Variants in GLG1 observed in about 807,000 individuals in gnomAD.
GLG1 encodes golgi glycoprotein 1.
A neutral mutation model predicts 160.5 loss-of-function variants in GLG1; 38 were observed. The ratio of observed to expected loss-of-function variants is 0.24; its 90% CI spans 0.18 to 0.31. The LOEUF is 0.31. Ranked by LOEUF, GLG1 falls within the 10% of genes least tolerant of loss-of-function variation. GLG1 has a pLI of 1.00. For missense variants in GLG1, 1,373 were observed against 1,505.2 expected, an observed-to-expected ratio of 0.91 and a Z score of 1.45; for synonymous variants, 644 against 543.4, an observed-to-expected ratio of 1.19 and a Z score of -2.57.
At chr16:74,591,186 C>T (rs1010318700) in intron 1 of GLG1, among the ~76,000 whole-genome samples, 2 of 151,722 alleles carry the variant, frequency 1.3e-5, no homozygotes, top group Non-Finnish European at 2.9e-5. Flanking sequence ...CAAAAATTAG[C>T]TGGGTGTCTT....
intron 1 of GLG1, among the ~76,000 whole-genome samples, chr16:74,586,729 G>A (rs910882570): frequency 2.0e-5 from 3 of 150,160 alleles, no homozygotes; most frequent in African/African-American, 2.5e-5. Context: ...ATGTAGTCTC[G>A]CTATTGTTGC....
intron 1 of GLG1, among the ~76,000 whole-genome samples, chr16:74,555,084 A>G (rs551490531): frequency 6.6e-6 from 1 of 152,320 alleles, no homozygotes; most frequent in South Asian, 2.1e-4. Context: ...AAACGGGAAA[A>G]AAGAAAAAAC....
chr16:74,550,545 G>A (rs1338261928), intron 1 of GLG1, among the ~76,000 whole-genome samples: 1 of 152,026 alleles, frequency 6.6e-6, no homozygotes, highest in Admixed American at 6.6e-5. Context: ...GTGCTATTTT[G>A]GGCCATGAAA....
chr16:74,527,749 T>C (rs1235896031), intron 2 of GLG1, among the ~76,000 whole-genome samples: 2 of 152,030 alleles, frequency 1.3e-5, no homozygotes, highest in Non-Finnish European at 1.5e-5. Flanking sequence ...TTTTTTGAGA[T>C]AGAGTCTTGC....
At chr16:74,504,610 G>A (rs929730378) in intron 3 of GLG1, among the ~76,000 whole-genome samples, 1 of 152,168 alleles carries the variant, frequency 6.6e-6, no homozygotes, top group Non-Finnish European at 1.5e-5. Context: ...TGACATTAAT[G>A]TGTTCTAAAT....
At chr16:74,560,983 A>T (rs1392852876) in intron 1 of GLG1, among the ~76,000 whole-genome samples, 1 of 152,282 alleles carries the variant, frequency 6.6e-6, no homozygotes, top group Non-Finnish European at 1.5e-5. Context: ...GGTTATTTCA[A>T]ATTGAATGAA....
rs1237467893 is a variant in GLG1, at chr16:74,459,714, G to A, written c.3112C>T (p.Leu1038=). 4.4e-6 allele frequency: 7 copies of A among 1,599,390 alleles called. No homozygotes were observed. The Admixed American group carries it at 1.2e-4, about 27-fold the overall frequency. Reference sequence around the variant, plus strand: ...CACAATTCTGTTTTGATCTTGAGCAGGTTGACCTTGAGGCACTCCTCCACC... The same window carrying A: ...CACAATTCTGTTTTGATCTTGAGCAAGTTGACCTTGAGGCACTCCTCCACC... ...GQVEECLKVN[L]LKIKTELCKK... is the part of the protein sequence containing the mutation. Residue 1038 remains leucine, a synonymous_variant, in exon 23 of 26, where the codon CTG becomes TTG. Transcript: ENST00000422840.
rs1280144198 is a variant in GLG1 at position 74,448,190 on chromosome 16, G to A, written c.*4977C>T. ...GCTAATGACTTATCTATTATCTGAA[G>A]TCTGTGGAGGAAGGACCAAGAAGGG... On this transcript the variant is annotated 3_prime_UTR_variant, in exon 26 of 26. Coordinates refer to ENST00000422840, the MANE Select transcript of GLG1 (RefSeq NM_001145667.2). 1.3e-5 allele frequency: 2 copies of A among 152,258 alleles called. No homozygotes were observed. The highest frequency in any genetic ancestry group is 2.4e-5 in the African/African-American group (1 of 41,448). The allele number at this position is 152,258 out of a possible 1,614,324, so 9.4% of individuals were successfully genotyped here. A position where few individuals can be genotyped will look rare whatever the true frequency, so the allele number is the denominator to read the frequency against.
At chr16:74,584,078 A>G (rs1011907767) in intron 1 of GLG1, among the ~76,000 whole-genome samples, 5 of 151,990 alleles carry the variant, frequency 3.3e-5, no homozygotes, top group Admixed American at 6.6e-5. Flanking sequence ...AGCGCCTTCA[A>G]TTTTCCTCAC....
At chr16:74,523,974 A>G (rs1017844872) in intron 2 of GLG1, among the ~76,000 whole-genome samples, 4 of 152,114 alleles carry the variant, frequency 2.6e-5, no homozygotes, top group Non-Finnish European at 5.9e-5. Flanking sequence ...GCACTTTGGG[A>G]GGCTGAGGTG....
intron 1 of GLG1, among the ~76,000 whole-genome samples, chr16:74,591,950 T>C (rs1312908643): frequency 6.6e-6 from 1 of 152,122 alleles, no homozygotes; most frequent in East Asian, 1.9e-4. Flanking sequence ...CAGAACATAA[T>C]TCCTTTACCC....
intron 1 of GLG1, among the ~76,000 whole-genome samples, chr16:74,544,041 G>A (rs926489140): frequency 1.2e-4 from 18 of 152,132 alleles, no homozygotes; most frequent in African/African-American, 4.1e-4. Flanking sequence ...AAAGGAGATG[G>A]GCAGAACAGA....
rs5817916 is a variant in GLG1, at chr16:74,570,518, AT to A, written c.438+36138del. On this transcript the variant is annotated intron_variant, in intron 1 of 25. Transcript: ENST00000422840. ...AACCTAAAATTCTATACTGTGATGG[AT>A]TTTTTCAAGGCCACAAATCCCACCT... 1.4e-4 allele frequency among the ~76,000 whole-genome samples: 22 copies of A among 152,078 alleles called. 1 individual carries two copies. In the East Asian group the frequency reaches 3.3e-3, roughly 23 times the overall value.
intron 19 of GLG1, among the ~76,000 whole-genome samples, chr16:74,465,364 C>T (rs542856272): frequency 6.6e-6 from 1 of 152,306 alleles, no homozygotes; most frequent in East Asian, 1.9e-4. Flanking sequence ...TTATTTATTG[C>T]ACATCCATTT....
At chr16:74,468,438 G>A (rs1166281745) in intron 17 of GLG1, 1 of 155,464 alleles carries the variant, frequency 6.4e-6, no homozygotes, top group African/African-American at 2.4e-5. Flanking sequence ...GTGTCGCCAT[G>A]TTGGCCAGGC....
chr16:74,602,576 G>C (rs538823149), intron 1 of GLG1, among the ~76,000 whole-genome samples: 6 of 152,274 alleles, frequency 3.9e-5, no homozygotes, highest in African/African-American at 1.4e-4. Context: ...GAGGTCAGGA[G>C]TTCGAGACTA....
At chr16:74,593,839 C>A (rs952416966) in intron 1 of GLG1, among the ~76,000 whole-genome samples, 21 of 152,148 alleles carry the variant, frequency 1.4e-4, no homozygotes, top group African/African-American at 4.8e-4. Context: ...GTTAATTTTA[C>A]TCATCTACCA....
At chr16:74,469,161 TG>T (rs1469595392) in intron 16 of GLG1, 98 bp from the exon 17 acceptor site, 1 of 776,822 alleles carries the variant, frequency 1.3e-6, no homozygotes, top group East Asian at 2.5e-5. Flanking sequence ...GAATTCAAGA[TG>T]CCCTTTGGGG....
At position 74,467,593 on chromosome 16, in the gene GLG1, G is replaced by A. The variant is rs376726013; in HGVS notation, c.2529+163C>T. On this transcript the variant is annotated intron_variant, in intron 18 of 25. Coordinates refer to ENST00000422840, the MANE Select transcript of GLG1 (RefSeq NM_001145667.2). The stretch of plus-strand genomic sequence containing the variant: ...AGAACCCAAGGAAACGCAGCCTGAT[G>A]TAGTTTAAGAAGGGATTAGGTTGGA... Among the ~76,000 whole-genome samples, 292 of 152,314 alleles carry A rather than the reference G, an allele frequency of 1.9e-3. 4 individuals carry two copies. In the South Asian group the frequency reaches 0.025, roughly 13 times the overall value.
Sources: gnomAD v4.1 joint callset for allele counts (sites outside exome capture counted in the v4.1 genomes callset) on GRCh38, gnomAD v4.1.1 for gene constraint, MANE v1.5 for transcripts, NCBI Gene and HGNC (gene_info 2026-07-23, HGNC 2026-07-21) for gene names.